Variants in FGF13 observed in about 807,000 individuals in gnomAD.
FGF13 encodes fibroblast growth factor 13.
Under a neutral mutation model 19.5 loss-of-function variants are expected in FGF13, and 2 were observed. The observed-to-expected ratio is 0.10, with a 90% confidence interval of 0.04 to 0.32. FGF13 has a LOEUF of 0.32. Among genes scored for constraint, FGF13 ranks in the 10% least tolerant of loss-of-function variants. FGF13 has a pLI of 1.00. For missense variants in FGF13, 113 were observed against 192.7 expected, an observed-to-expected ratio of 0.59 and a Z score of 2.45; for synonymous variants, 72 against 76.9, an observed-to-expected ratio of 0.94 and a Z score of 0.33.
intron 1 of FGF13, among the ~76,000 whole-genome samples, chrX:138,922,006 C>CA (rs1243572513): frequency 6.5e-5 from 6 of 92,370 alleles, no homozygotes; most frequent in East Asian, 3.5e-4. Context: ...ACAACAACAA[C>CA]AAAAAAAACG....
At chrX:138,703,748 CTT>C (rs2089969301) in intron 2 of FGF13, among the ~76,000 whole-genome samples, 2 of 112,420 alleles carry the variant, frequency 1.8e-5, no homozygotes, top group Non-Finnish European at 3.8e-5. Context: ...GAGTTTCGCT[CTT>C]GTTTCCCAGG....
chrX:138,813,610 G>A (rs192565784), intron 3 of FGF13, among the ~76,000 whole-genome samples: 14 of 111,890 alleles, frequency 1.3e-4, no homozygotes, highest in Non-Finnish European at 1.9e-4. Flanking sequence ...GAAATACCGT[G>A]CTCTGTTAAG....
chrX:138,943,186 G>T lies in FGF13; in HGVS notation c.-112-78536C>A, dbSNP rs781618308. Among the ~76,000 whole-genome samples, 278 of 112,322 alleles carry T rather than the reference G, an allele frequency of 2.5e-3. 2 individuals are homozygous for T. The highest frequency in any genetic ancestry group is 8.2e-3 in the African/African-American group (255 of 30,937). ...GTTCCTCTCCTGGGCATCACAGTGG[G>T]TGGGCCCCAGGGCTGTGCCTGAGAA... On this transcript the variant is annotated intron_variant, in intron 1 of 2. Transcript: ENST00000421460.
intron 1 of FGF13, among the ~76,000 whole-genome samples, chrX:139,196,079 G>A (rs2084368408): frequency 8.9e-6 from 1 of 111,858 alleles, no homozygotes; most frequent in Non-Finnish European, 1.9e-5. Flanking sequence ...GAGAGTCGGA[G>A]GAAGAACGGG....
At chrX:139,137,233 C>A (rs896896288) in intron 1 of FGF13, among the ~76,000 whole-genome samples, 1 of 112,055 alleles carries the variant, frequency 8.9e-6, no homozygotes, top group Non-Finnish European at 1.9e-5. Flanking sequence ...AGATCTCACG[C>A]CTTTTACACT....
chrX:138,665,806 A>T (rs752216287), intron 3 of FGF13, among the ~76,000 whole-genome samples: 1 of 110,854 alleles, frequency 9.0e-6, no homozygotes, highest in South Asian at 3.9e-4. Context: ...CACTTTTTAA[A>T]AGAGCACAAG....
intron 1 of FGF13, among the ~76,000 whole-genome samples, chrX:139,031,712 C>CAAA (rs373666313): frequency 5.4e-5 from 4 of 74,567 alleles, no homozygotes; most frequent in African/African-American, 2.0e-4. Context: ...AGATCGGGGT[C>CAAA]AAAAAAAAAA....
intron 1 of FGF13, among the ~76,000 whole-genome samples, chrX:138,925,595 A>G (rs1372582538): frequency 9.0e-6 from 1 of 111,517 alleles, no homozygotes; most frequent in East Asian, 2.8e-4. Context: ...CTCAGCACAA[A>G]GCAGCTGTGG....
upstream of FGF13, among the ~76,000 whole-genome samples, chrX:139,203,749 G>T (rs1398740032): frequency 8.9e-6 from 1 of 111,885 alleles, no homozygotes; most frequent in African/African-American, 3.2e-5. Context: ...AGCAGACAGC[G>T]CGGTTCCCGG....
chrX:138,663,128 TA>T (rs113393351), intron 3 of FGF13, among the ~76,000 whole-genome samples: 7 of 108,880 alleles, frequency 6.4e-5, no homozygotes, highest in East Asian at 2.9e-4. Flanking sequence ...TTATCCAAGT[TA>T]AAAAAAAAAT....
intron 1 of FGF13, among the ~76,000 whole-genome samples, chrX:139,158,087 C>T (rs1167370338): frequency 2.7e-5 from 3 of 111,918 alleles, no homozygotes; most frequent in Non-Finnish European, 3.8e-5. Flanking sequence ...AGATACTATG[C>T]CCTTCCCATG....
intron 1 of FGF13, among the ~76,000 whole-genome samples, chrX:139,026,441 A>T (rs2092201380): frequency 8.9e-6 from 1 of 112,349 alleles, no homozygotes; most frequent in Non-Finnish European, 1.9e-5. Context: ...ACTGAATTCA[A>T]ATCTAAAGTC....
chrX:138,826,197 A>G (rs1421482053), intron 3 of FGF13, among the ~76,000 whole-genome samples: 10 of 112,135 alleles, frequency 8.9e-5, no homozygotes, highest in Non-Finnish European at 1.9e-4. Context: ...TATTTTCCAC[A>G]GAACCATGTG....
chrX:139,059,657 T>C (rs188448439), intron 1 of FGF13, among the ~76,000 whole-genome samples: 41 of 111,989 alleles, frequency 3.7e-4, no homozygotes, highest in African/African-American at 1.2e-3. Flanking sequence ...GTATGGAACA[T>C]AATGTTTTCT....
At chrX:139,059,970 G>A (rs1271680104) in intron 1 of FGF13, among the ~76,000 whole-genome samples, 7 of 111,761 alleles carry the variant, frequency 6.3e-5, no homozygotes, top group Admixed American at 4.7e-4. Context: ...GCTGTCCAAG[G>A]CAGGTGTATA....
At chrX:138,902,486 G>A (rs1476806656) in intron 1 of FGF13, among the ~76,000 whole-genome samples, 1 of 111,652 alleles carries the variant, frequency 9.0e-6, no homozygotes, top group Admixed American at 9.5e-5. Flanking sequence ...CCTTTCCACA[G>A]ATACTCTCAC....
intron 3 of FGF13, among the ~76,000 whole-genome samples, chrX:138,812,598 C>T (rs1052773775): frequency 1.5e-4 from 17 of 110,892 alleles, no homozygotes; most frequent in African/African-American, 5.6e-4. Context: ...TTGGTTATAC[C>T]TTGATTTTAG....
At position 138,632,949 on chromosome X, in the gene FGF13, C is replaced by T. The variant is rs768222010; in HGVS notation, c.639G>A (p.Thr213=). The T allele has an allele frequency of 3.3e-6, 4 of 1,209,937 alleles. No individual in the cohort carries two copies. Among genetic ancestry groups the T allele is most frequent in the Admixed American group, 2.2e-5 (1 of 45,850 alleles). ...MYKEPSLHDL[T]EFSRSGSGTP... The stretch of plus-strand genomic sequence containing the variant: ...TCCCGCTTCCAGATCGGGAGAACTC[C>T]GTGAGATCGTGCAGTGATGGCTCCT... Residue 213 remains threonine, a synonymous_variant, in exon 5 of 5, where the codon ACG becomes ACA. Coordinates refer to ENST00000315930, the MANE Select transcript of FGF13 (RefSeq NM_004114.5).
At chrX:139,033,956 G>A (rs1185360239) in intron 1 of FGF13, among the ~76,000 whole-genome samples, 1 of 111,809 alleles carries the variant, frequency 8.9e-6, no homozygotes, top group African/African-American at 3.2e-5. Flanking sequence ...GCAGGGAAAA[G>A]TAATGTCCAG....
Sources: allele counts gnomAD v4.1 joint callset (sites outside exome capture counted in the v4.1 genomes callset), GRCh38; gene constraint gnomAD v4.1.1; transcripts MANE v1.5; gene names NCBI Gene and HGNC (gene_info 2026-07-23, HGNC 2026-07-21).